Variants in NEK7 observed in about 807,000 individuals in gnomAD.
NEK7 encodes the protein serine/threonine-protein kinase Nek7.
NEK7 carries 18 observed loss-of-function variants against 44.6 expected under a neutral mutation model. The observed-to-expected ratio is 0.40, with a 90% CI of 0.28 to 0.60. The LOEUF (loss-of-function observed/expected upper bound fraction) is 0.60. Ranked by LOEUF, NEK7 falls within the 20% of genes least tolerant of loss-of-function variation. The pLI is 0.38. For missense variants in NEK7, 256 were observed against 366.5 expected (o/e 0.70, Z 2.46); for synonymous variants, 130 against 121.1 (o/e 1.07, Z -0.48).
At chr1:198,205,506 G>C (rs1369154435) in intron 1 of NEK7, among the ~76,000 whole-genome samples, 3 of 152,168 alleles carry the variant, frequency 2.0e-5, no homozygotes, top group Non-Finnish European at 4.4e-5. Context: ...GATTCTGATA[G>C]CCAAGCAGGG....
At chr1:198,284,406 C>G (rs891024485) in intron 7 of NEK7, among the ~76,000 whole-genome samples, 1 of 152,132 alleles carries the variant, frequency 6.6e-6, no homozygotes, top group Non-Finnish European at 1.5e-5. Context: ...TGCTCTCTCT[C>G]CTAGAATTGA....
At chr1:198,266,382 T>C (rs1479178319) in intron 5 of NEK7, among the ~76,000 whole-genome samples, 1 of 152,128 alleles carries the variant, frequency 6.6e-6, no homozygotes, top group Non-Finnish European at 1.5e-5. Context: ...CTCTAGATTT[T>C]ATTTTTTCAT....
chr1:198,289,903 A>G (rs1315695767), intron 7 of NEK7, among the ~76,000 whole-genome samples: 1 of 152,182 alleles, frequency 6.6e-6, no homozygotes, highest in African/African-American at 2.4e-5. Context: ...AACTTTTCTC[A>G]TATAGCTAGA....
At chr1:198,257,158 G>A (rs1653295196) in intron 3 of NEK7, among the ~76,000 whole-genome samples, 1 of 151,912 alleles carries the variant, frequency 6.6e-6, no homozygotes, top group African/African-American at 2.4e-5. Flanking sequence ...TTTTTTTTAG[G>A]AAGAAAAGCT....
At chr1:198,250,993 T>C (rs1378065359) in intron 2 of NEK7, among the ~76,000 whole-genome samples, 2 of 152,182 alleles carry the variant, frequency 1.3e-5, no homozygotes, top group African/African-American at 2.4e-5. Flanking sequence ...TTTTTGCCCA[T>C]TCAGTATGAT....
At chr1:198,187,057 C>T (rs1158256782) in intron 1 of NEK7, among the ~76,000 whole-genome samples, 1 of 152,074 alleles carries the variant, frequency 6.6e-6, no homozygotes, top group African/African-American at 2.4e-5. Context: ...TTGCACAGCC[C>T]CATTGCCTGT....
chr1:198,159,174 G>T (rs1664017919), intron 1 of NEK7, among the ~76,000 whole-genome samples: 1 of 152,230 alleles, frequency 6.6e-6, no homozygotes, highest in Admixed American at 6.5e-5. Context: ...GCGCAGCCAG[G>T]ACCTCGCGTT....
chr1:198,264,689 T>C (rs1250652083), intron 5 of NEK7, among the ~76,000 whole-genome samples: 1 of 152,042 alleles, frequency 6.6e-6, no homozygotes, highest in Non-Finnish European at 1.5e-5. Context: ...TTGTTTAACC[T>C]TCTTTTCTAA....
At chr1:198,182,105 G>T (rs1484590861) in intron 1 of NEK7, among the ~76,000 whole-genome samples, 2 of 152,078 alleles carry the variant, frequency 1.3e-5, no homozygotes. Flanking sequence ...TAGGCAACAG[G>T]TAGAAGTGAA....
In NEK7 at chr1:198,309,698, G is replaced by T. The variant is rs1252343355; in HGVS notation, c.799-9714G>T. 8.8e-4 allele frequency among the ~76,000 whole-genome samples: 133 copies of T among 151,712 alleles called. 1 individual carries two copies. Among genetic ancestry groups the T allele is most frequent in the Non-Finnish European group, 2.7e-4 (18 of 67,892 alleles). ...TATGAGTGAGAATATGCGGTGTTTG[G>T]TTTTTTGTTCTTGCGATAGTTTACT... On this transcript the variant is annotated intron_variant, in intron 9 of 9. Coordinates refer to ENST00000367385, the MANE Select transcript of NEK7 (RefSeq NM_133494.3).
chr1:198,315,136 G>T (rs768506364), intron 9 of NEK7, among the ~76,000 whole-genome samples: 4 of 152,194 alleles, frequency 2.6e-5, no homozygotes, highest in Non-Finnish European at 4.4e-5. Context: ...TAGTCTCCTG[G>T]TGCGCCGTTT....
rs374265146 is a variant in NEK7, at chr1:198,293,291, T to C, written c.684+252T>C. 1.8e-4 allele frequency among the ~76,000 whole-genome samples: 27 copies of C among 152,054 alleles called. No homozygotes were observed. The South Asian group carries it at 5.6e-3, about 31-fold the overall frequency. ...TAAAGCATTAACTTTTATGTTAATA[T>C]AACGCCTTTCTCTATATCTTGCATT... On this transcript the variant is annotated intron_variant, in intron 8 of 9. Coordinates refer to ENST00000367385, the MANE Select transcript of NEK7 (RefSeq NM_133494.3).
At chr1:198,273,889 G>A (rs1043449501) in intron 5 of NEK7, among the ~76,000 whole-genome samples, 13 of 151,604 alleles carry the variant, frequency 8.6e-5, no homozygotes, top group African/African-American at 2.9e-4. Context: ...TGGTGGAGAC[G>A]TCATAGATCA....
At chr1:198,223,764 A>G (rs1666135534) in intron 1 of NEK7, among the ~76,000 whole-genome samples, 1 of 152,174 alleles carries the variant, frequency 6.6e-6, no homozygotes, top group African/African-American at 2.4e-5. Flanking sequence ...TATGACCTTG[A>G]CATCTTCTTG....
intron 2 of NEK7, among the ~76,000 whole-genome samples, chr1:198,249,353 G>A (rs2102912846): frequency 6.6e-6 from 1 of 152,168 alleles, no homozygotes; most frequent in Non-Finnish European, 1.5e-5. Flanking sequence ...ATAAACATAT[G>A]TGTGCATGTG....
At chr1:198,230,332 T>A (rs1391539799) in intron 1 of NEK7, among the ~76,000 whole-genome samples, 1 of 152,116 alleles carries the variant, frequency 6.6e-6, no homozygotes, top group Admixed American at 6.5e-5. Flanking sequence ...TGATTATTTA[T>A]CATGACCAAG....
chr1:198,186,377 TAAAGAGCA>T (rs1177073393), intron 1 of NEK7, among the ~76,000 whole-genome samples: 2 of 152,212 alleles, frequency 1.3e-5, no homozygotes, highest in African/African-American at 4.8e-5. Flanking sequence ...GGATATTGTG[TAAAGAGCA>T]AAAGAGCAAG....
intron 1 of NEK7, among the ~76,000 whole-genome samples, chr1:198,218,549 A>G (rs1411320763): frequency 6.6e-6 from 1 of 151,998 alleles, no homozygotes; most frequent in Non-Finnish European, 1.5e-5. Context: ...AACAAATGCA[A>G]CAAAACCAAA....
intron 7 of NEK7, among the ~76,000 whole-genome samples, chr1:198,291,726 G>A (rs562083036): frequency 2.5e-4 from 38 of 151,826 alleles, no homozygotes; most frequent in African/African-American, 8.2e-4. Context: ...TAGTAAAAAC[G>A]GATTCCGATA....
Sources: gnomAD v4.1 joint callset for allele counts (sites outside exome capture counted in the v4.1 genomes callset) on GRCh38, gnomAD v4.1.1 for gene constraint, MANE v1.5 for transcripts, NCBI Gene and HGNC (gene_info 2026-07-23, HGNC 2026-07-21) for gene names.